The following EPM2A variants were observed in gnomAD, a reference collection of about 807,000 sequenced individuals.
EPM2A encodes the protein EPM2A glucan phosphatase, laforin.
A neutral mutation model predicts 26.5 loss-of-function variants in EPM2A; 21 were observed. The observed-to-expected ratio is 0.79, with a 90% CI of 0.56 to 1.14. The LOEUF is 1.14. Ranked by LOEUF, EPM2A falls within the 50% of genes most tolerant of loss-of-function variation. The pLI is 0.00. For missense variants in EPM2A, 458 were observed against 440.8 expected, an observed-to-expected ratio of 1.04 and a Z score of -0.35; for synonymous variants, 217 against 177.6, an observed-to-expected ratio of 1.22 and a Z score of -1.76.
At chr6:145,560,394 G>T (rs1405350472) in intron 2 of EPM2A, among the ~76,000 whole-genome samples, 8 of 152,034 alleles carry the variant, frequency 5.3e-5, no homozygotes, top group Non-Finnish European at 8.8e-5. Context: ...TAAATCAGGG[G>T]TGAACAAATT....
chr6:145,671,293 C>T (rs1779621557), intron 2 of EPM2A: 1 of 1,044,228 alleles, frequency 9.6e-7, no homozygotes, highest in Non-Finnish European at 1.2e-6. Flanking sequence ...CCAAATATAG[C>T]TGCTGTAGAG....
At chr6:145,384,519 G>T (rs956925900) in intron 4 of EPM2A, among the ~76,000 whole-genome samples, 4 of 147,772 alleles carry the variant, frequency 2.7e-5, no homozygotes, top group Non-Finnish European at 6.0e-5. Context: ...GGATCAGCCT[G>T]CAGAGTTGTG....
chr6:145,552,871 T>C (rs1780674365), intron 2 of EPM2A, among the ~76,000 whole-genome samples: 1 of 152,114 alleles, frequency 6.6e-6, no homozygotes, highest in South Asian at 2.1e-4. Context: ...TGATTGGTTA[T>C]TAAAGAAAGA....
chr6:145,401,227 G>A (rs1048295138), intron 4 of EPM2A, among the ~76,000 whole-genome samples: 2 of 151,936 alleles, frequency 1.3e-5, no homozygotes, highest in Non-Finnish European at 1.5e-5. Context: ...ATCAATTAAG[G>A]AGAAAATAAA....
chr6:145,392,978 A>AT (rs969023443), intron 4 of EPM2A, among the ~76,000 whole-genome samples: 2 of 151,988 alleles, frequency 1.3e-5, no homozygotes, highest in East Asian at 1.9e-4. Flanking sequence ...CCAGTCTTTG[A>AT]TTTTTTTTCA....
intron 1 of EPM2A, among the ~76,000 whole-genome samples, chr6:145,703,167 C>T (rs1303940214): frequency 6.6e-6 from 1 of 150,556 alleles, no homozygotes; most frequent in Non-Finnish European, 1.5e-5. Context: ...ATCTCACTCA[C>T]TGCAAGCTCT....
intron 4 of EPM2A, among the ~76,000 whole-genome samples, chr6:145,471,744 C>T (rs1296247740): frequency 6.6e-6 from 1 of 152,100 alleles, no homozygotes; most frequent in Non-Finnish European, 1.5e-5. Context: ...TTCAGCATTC[C>T]AAACTTGAGT....
intron 2 of EPM2A, among the ~76,000 whole-genome samples, chr6:145,579,954 C>T (rs1331592605): frequency 1.3e-5 from 2 of 152,080 alleles, no homozygotes; most frequent in Non-Finnish European, 2.9e-5. Context: ...AATATACTAA[C>T]ATTATAATAG....
At chr6:145,490,270 A>G (rs1779737761) in intron 4 of EPM2A, 1 of 1,434,944 alleles carries the variant, frequency 7.0e-7, no homozygotes, top group Non-Finnish European at 9.4e-7. Flanking sequence ...GTTTACACCC[A>G]GTGTGTATTA....
intron 1 of EPM2A, chr6:145,721,278 T>A (rs1293906627): frequency 6.6e-6 from 1 of 152,170 alleles, no homozygotes; most frequent in Non-Finnish European, 1.5e-5. Context: ...ACCATAAAGA[T>A]CACGGAATTG....
intron 2 of EPM2A, among the ~76,000 whole-genome samples, chr6:145,571,581 A>C (rs932038429): frequency 6.6e-6 from 1 of 152,210 alleles, no homozygotes; most frequent in African/African-American, 2.4e-5. Flanking sequence ...CCATTATGGA[A>C]GAGGTCCAGT....
intron 2 of EPM2A, among the ~76,000 whole-genome samples, chr6:145,605,037 T>C (rs1775200277): frequency 6.6e-6 from 1 of 152,090 alleles, no homozygotes; most frequent in Non-Finnish European, 1.5e-5. Context: ...TGGAGAGGGG[T>C]AATCATTGTT....
At chr6:145,670,445 T>C (rs894752007) in intron 2 of EPM2A, 3 of 152,170 alleles carry the variant, frequency 2.0e-5, no homozygotes, top group Admixed American at 6.6e-5. Context: ...GACATTTCCA[T>C]CACCATTTAA....
Position 145,635,229 on chromosome 6 carries a change from C to T in EPM2A, c.718+16G>A, listed in dbSNP as rs1776557579. 1 of 1,614,074 alleles carries T rather than the reference C, an allele frequency of 6.2e-7. No homozygotes were observed. The highest frequency in any genetic ancestry group is 8.5e-7 in the Non-Finnish European group (1 of 1,179,958). ...TCTGAAATACAGCAAGGAGGCAGAA[C>T]AGTTCTGATCCTTACCTTCGGTGCT... On this transcript the variant is annotated intron_variant, in intron 3 of 3. Coordinates refer to ENST00000367519, the MANE Select transcript of EPM2A (RefSeq NM_005670.4).
chr6:145,451,219 T>C (rs1357489520), intron 4 of EPM2A, among the ~76,000 whole-genome samples: 1 of 152,236 alleles, frequency 6.6e-6, no homozygotes, highest in Non-Finnish European at 1.5e-5. Flanking sequence ...CTGCACATGA[T>C]TTTTGAACAT....
intron 2 of EPM2A, among the ~76,000 whole-genome samples, chr6:145,599,620 T>G (rs1781390333): frequency 1.3e-5 from 2 of 151,962 alleles, no homozygotes; most frequent in South Asian, 4.1e-4. Flanking sequence ...TTCTGTATGT[T>G]TTGGTCTTTT....
At chr6:145,504,328 T>A in intron 2 of EPM2A, among the ~76,000 whole-genome samples, 1 of 101,706 alleles carries the variant, frequency 9.8e-6, no homozygotes, top group Non-Finnish European at 2.1e-5. Context: ...TGGGAGAAAA[T>A]TTTCACAACC....
At chr6:145,467,012 A>G (rs1437338213) in intron 4 of EPM2A, among the ~76,000 whole-genome samples, 1 of 152,124 alleles carries the variant, frequency 6.6e-6, no homozygotes, top group Non-Finnish European at 1.5e-5. Context: ...GGGAGTGGAG[A>G]GGGATAGCAC....
downstream of EPM2A, among the ~76,000 whole-genome samples, chr6:145,500,418 T>G (rs2114750283): frequency 6.6e-6 from 1 of 152,336 alleles, no homozygotes; most frequent in East Asian, 1.9e-4. Flanking sequence ...ATCTAAGCAG[T>G]TAGTGGCTAA....
Sources: gnomAD v4.1 joint callset for allele counts (sites outside exome capture counted in the v4.1 genomes callset) on GRCh38, gnomAD v4.1.1 for gene constraint, MANE v1.5 for transcripts, NCBI Gene and HGNC (gene_info 2026-07-23, HGNC 2026-07-21) for gene names.